The following ROBO1 variants were observed in gnomAD, a reference collection of about 807,000 sequenced individuals.
ROBO1 encodes roundabout guidance receptor 1, also known as roundabout homolog 1.
ROBO1 carries 149 observed loss-of-function variants against 195.9 expected under a neutral mutation model. That is an observed-to-expected ratio of 0.76 (90% CI 0.67 to 0.87). ROBO1 has a LOEUF of 0.87. Ranked by LOEUF, ROBO1 falls within the 40% of genes least tolerant of loss-of-function variation. The pLI is 0.00. For missense variants in ROBO1, 1,933 were observed against 2,068.3 expected, an observed-to-expected ratio of 0.93 and a Z score of 1.27; for synonymous variants, 816 against 733.2, an observed-to-expected ratio of 1.11 and a Z score of -1.82.
In ROBO1 at chr3:78,711,384, TTCCTTC is replaced by T. The variant is rs1559773350; in HGVS notation, c.1045+3007_1045+3012del. ...CTTCCTTCCTTCCTTCCTTCCTTCC[TTCCTTC>T]CTTCCTTCCTTTCTTTCTTTCTTTC... On this transcript the variant is annotated intron_variant, in intron 8 of 30. Transcript: ENST00000464233. 5.4e-3 allele frequency among the ~76,000 whole-genome samples: 229 copies of T among 42,500 alleles called. 1 individual carries two copies. Among genetic ancestry groups the T allele is most frequent in the Middle Eastern group, 0.011 (1 of 90 alleles). The allele number at this position is 42,500 out of a possible 152,430, so 27.9% of individuals were successfully genotyped here.
At chr3:79,379,043 A>T (rs931679535) in intron 2 of ROBO1, among the ~76,000 whole-genome samples, 1 of 152,358 alleles carries the variant, frequency 6.6e-6, no homozygotes. Flanking sequence ...CCGAATTGAT[A>T]TAATAGATTC....
At chr3:79,439,696 C>A (rs537330507) in intron 2 of ROBO1, among the ~76,000 whole-genome samples, 72 of 151,920 alleles carry the variant, frequency 4.7e-4, no homozygotes, top group African/African-American at 1.6e-3. Context: ...TCTCTTTTAC[C>A]GCAATACATC....
At chr3:79,728,816 C>T (rs545312610) in intron 1 of ROBO1, among the ~76,000 whole-genome samples, 6 of 151,926 alleles carry the variant, frequency 3.9e-5, no homozygotes, top group Admixed American at 2.0e-4. Context: ...TAATGAAAAC[C>T]TTCATATAGC....
intron 1 of ROBO1, among the ~76,000 whole-genome samples, chr3:79,674,387 A>G (rs1164559268): frequency 6.6e-6 from 1 of 151,960 alleles, no homozygotes; most frequent in African/African-American, 2.4e-5. Flanking sequence ...CCTTCATACT[A>G]TCTTTTAAAG....
intron 2 of ROBO1, among the ~76,000 whole-genome samples, chr3:79,386,329 T>A (rs1162275238): frequency 1.3e-5 from 2 of 152,236 alleles, no homozygotes; most frequent in African/African-American, 4.8e-5. Context: ...TAATGGGGAA[T>A]TTAAAAACGG....
intron 1 of ROBO1, among the ~76,000 whole-genome samples, chr3:79,737,497 T>C (rs999619165): frequency 3.4e-4 from 52 of 152,306 alleles, no homozygotes; most frequent in Admixed American, 1.6e-3. Flanking sequence ...TAGGCTGTAG[T>C]AATTGGAACA....
intron 4 of ROBO1, among the ~76,000 whole-genome samples, chr3:78,785,360 A>C (rs2108500987): frequency 6.6e-6 from 1 of 152,280 alleles, no homozygotes; most frequent in Non-Finnish European, 1.5e-5. Flanking sequence ...TAAAGTGGAC[A>C]GTCTCTCTTT....
intron 5 of ROBO1, among the ~76,000 whole-genome samples, chr3:78,720,439 A>G (rs2108100741): frequency 6.6e-6 from 1 of 152,290 alleles, no homozygotes; most frequent in East Asian, 1.9e-4. Context: ...AAAAGTCAGG[A>G]AACAACAGGT....
chr3:79,007,455 T>A (rs544227108), intron 3 of ROBO1, among the ~76,000 whole-genome samples: 1 of 152,128 alleles, frequency 6.6e-6, no homozygotes, highest in African/African-American at 2.4e-5. Flanking sequence ...GATTCTCTGA[T>A]AGATTGAGAA....
chr3:78,922,039 C>G (rs527389159), intron 4 of ROBO1, among the ~76,000 whole-genome samples: 2 of 151,956 alleles, frequency 1.3e-5, no homozygotes, highest in Non-Finnish European at 2.9e-5. Context: ...CTGCCCACCT[C>G]GGCCTCCCAA....
chr3:79,009,049 T>A (rs913390276), intron 3 of ROBO1, among the ~76,000 whole-genome samples: 2 of 150,584 alleles, frequency 1.3e-5, no homozygotes, highest in Non-Finnish European at 3.0e-5. Flanking sequence ...CCAGCAACTC[T>A]CCTGCCTCGG....
At chr3:78,909,308 A>G (rs538937991) in intron 4 of ROBO1, among the ~76,000 whole-genome samples, 2 of 151,998 alleles carry the variant, frequency 1.3e-5, no homozygotes, top group East Asian at 3.9e-4. Context: ...TTGCATATAT[A>G]TACAATAATA....
At chr3:78,717,629 G>T in intron 6 of ROBO1, 134 bp downstream of exon 6, 1 of 1,086,900 alleles carries the variant, frequency 9.2e-7, no homozygotes, top group Non-Finnish European at 1.3e-6. Flanking sequence ...CTGCTTTTCT[G>T]ATTTCTTCTC....
chr3:79,360,541 T>G (rs550118920), intron 2 of ROBO1, among the ~76,000 whole-genome samples: 51 of 152,152 alleles, frequency 3.4e-4, no homozygotes, highest in African/African-American at 1.2e-3. Context: ...GTTTTGCATA[T>G]TAATAACAAT....
At chr3:78,984,925 C>T (rs1576513361) in intron 3 of ROBO1, among the ~76,000 whole-genome samples, 1 of 152,176 alleles carries the variant, frequency 6.6e-6, no homozygotes, top group East Asian at 1.9e-4. Flanking sequence ...GCAAGGCCAA[C>T]CCCTCCTCTT....
At chr3:79,198,185 T>C (rs1489617878) in intron 2 of ROBO1, among the ~76,000 whole-genome samples, 2 of 152,144 alleles carry the variant, frequency 1.3e-5, no homozygotes, top group African/African-American at 4.8e-5. Flanking sequence ...TACATTAAAG[T>C]CTTTAATTCT....
chr3:79,710,266 C>T (rs1052695247), intron 1 of ROBO1, among the ~76,000 whole-genome samples: 1 of 152,092 alleles, frequency 6.6e-6, no homozygotes, highest in Non-Finnish European at 1.5e-5. Context: ...TGTACACTAT[C>T]TCTCTAGTTA....
chr3:78,851,677 A>G (rs2034076532), intron 4 of ROBO1, among the ~76,000 whole-genome samples: 1 of 152,232 alleles, frequency 6.6e-6, no homozygotes, highest in South Asian at 2.1e-4. Context: ...AATCAATTTT[A>G]TTAAATTGTA....
intron 2 of ROBO1, among the ~76,000 whole-genome samples, chr3:79,399,401 T>A (rs946196091): frequency 6.6e-6 from 1 of 152,130 alleles, no homozygotes; most frequent in African/African-American, 2.4e-5. Context: ...CACCCTCCCA[T>A]AATCATGCCA....
Sources: allele counts gnomAD v4.1 joint callset (sites outside exome capture counted in the v4.1 genomes callset), GRCh38; gene constraint gnomAD v4.1.1; transcripts MANE v1.5; gene names NCBI Gene and HGNC (gene_info 2026-07-23, HGNC 2026-07-21).